ZMIZ1: variants seen among roughly 807,000 people sequenced by gnomAD.
ZMIZ1 encodes the protein zinc finger MIZ domain-containing protein 1.
A neutral mutation model predicts 113.9 loss-of-function variants in ZMIZ1; 17 were observed. The ratio of observed to expected loss-of-function variants is 0.15; its 90% CI spans 0.10 to 0.22. ZMIZ1 has a LOEUF of 0.22. Ranked by LOEUF, ZMIZ1 falls within the 10% of genes least tolerant of loss-of-function variation. The pLI is 1.00. For missense variants in ZMIZ1, 1,059 were observed against 1,477.8 expected (o/e 0.72, Z 4.65); for synonymous variants, 607 against 603.1 (o/e 1.01, Z -0.09).
At chr10:79,090,313 GT>G (rs200028939) in intron 1 of ZMIZ1, among the ~76,000 whole-genome samples, 24 of 151,934 alleles carry the variant, frequency 1.6e-4, no homozygotes, top group African/African-American at 4.6e-4. Context: ...GACTTGGAGG[GT>G]TTTTTTTCTC....
intron 7 of ZMIZ1, among the ~76,000 whole-genome samples, chr10:79,275,003 G>A (rs1197738041): frequency 6.6e-6 from 1 of 152,252 alleles, no homozygotes; most frequent in Non-Finnish European, 1.5e-5. Context: ...GCCGTCCTTT[G>A]TGCTGGCAGT....
chr10:79,140,166 G>A (rs1216760810), intron 3 of ZMIZ1, among the ~76,000 whole-genome samples: 4 of 152,326 alleles, frequency 2.6e-5, no homozygotes, highest in African/African-American at 2.4e-5. Flanking sequence ...CTAAGGCTAC[G>A]AGGTCCACAG....
intron 8 of ZMIZ1, among the ~76,000 whole-genome samples, chr10:79,283,357 G>A (rs1163316232): frequency 2.6e-5 from 4 of 152,240 alleles, no homozygotes; most frequent in East Asian, 1.9e-4. Flanking sequence ...CTTGTGCCTC[G>A]GTTTCCTCAT....
At chr10:79,080,766 C>A (rs545312661) in intron 1 of ZMIZ1, among the ~76,000 whole-genome samples, 1 of 152,194 alleles carries the variant, frequency 6.6e-6, no homozygotes, top group African/African-American at 2.4e-5. Flanking sequence ...AGGACTGACC[C>A]CTTTAGGCAG....
chr10:79,308,694 C>T (rs999467213), intron 23 of ZMIZ1, among the ~76,000 whole-genome samples: 2 of 152,140 alleles, frequency 1.3e-5, no homozygotes, highest in African/African-American at 4.8e-5. Context: ...CAAAGTTACT[C>T]TCTGCCCCAT....
At chr10:79,299,624 A>G (rs1456831640) in intron 16 of ZMIZ1, among the ~76,000 whole-genome samples, 1 of 152,228 alleles carries the variant, frequency 6.6e-6, no homozygotes, top group African/African-American at 2.4e-5. Flanking sequence ...GGGGCTGACC[A>G]TTGGGCAGGG....
chr10:79,159,476 G>T (rs1846023152), intron 3 of ZMIZ1, among the ~76,000 whole-genome samples: 1 of 152,232 alleles, frequency 6.6e-6, no homozygotes, highest in Admixed American at 6.5e-5. Context: ...AGGCTCTCCG[G>T]CTGGTTGCCG....
In ZMIZ1 at chr10:79,201,647, C is replaced by T; in HGVS notation, c.15C>T (p.Asp5=). The T allele has an allele frequency of 6.2e-7, 1 of 1,613,672 alleles. No individual in the cohort carries two copies. The highest frequency in any genetic ancestry group is 8.5e-7 in the Non-Finnish European group (1 of 1,179,868). The part of the protein sequence containing the change: MNSM[D]RHIQQTNDRL... ...AAACGGCCAGAATGAATTCTATGGACAGGCACATCCAGCAGACCAATGACC... is the reference window on the plus strand; with the variant it reads ...AAACGGCCAGAATGAATTCTATGGATAGGCACATCCAGCAGACCAATGACC... Residue 5 remains aspartate, a synonymous_variant, in exon 5 of 25, where the codon GAC becomes GAT. Transcript: ENST00000334512.
At chr10:79,154,212 A>G (rs903591569) in intron 3 of ZMIZ1, among the ~76,000 whole-genome samples, 2 of 152,074 alleles carry the variant, frequency 1.3e-5, no homozygotes, top group African/African-American at 4.8e-5. Flanking sequence ...CCTGGGTTCC[A>G]TTCTGGTCCA....
intron 18 of ZMIZ1, among the ~76,000 whole-genome samples, chr10:79,303,454 CAAAAAAA>C (rs34154193): frequency 4.5e-5 from 3 of 65,950 alleles, no homozygotes; most frequent in Non-Finnish European, 8.5e-5. Context: ...GACACTGCCA[CAAAAAAA>C]AAAAAAAAAA....
At chr10:79,269,126 G>C (rs571728765) in intron 7 of ZMIZ1, among the ~76,000 whole-genome samples, 1 of 152,166 alleles carries the variant, frequency 6.6e-6, no homozygotes, top group South Asian at 2.1e-4. Context: ...TCCTGCCCCT[G>C]ACTCAACAGG....
intron 24 of ZMIZ1, 120 bp downstream of exon 24, chr10:79,311,304 G>GGGGC: frequency 1.4e-5 from 5 of 359,152 alleles, no homozygotes; most frequent in Non-Finnish European, 2.7e-5. Context: ...TGGGCGGTGG[G>GGGGC]AGGGCTTCAC....
chr10:79,182,735 T>C (rs754828537), intron 4 of ZMIZ1, among the ~76,000 whole-genome samples: 22 of 152,238 alleles, frequency 1.4e-4, no homozygotes, highest in Non-Finnish European at 2.8e-4. Context: ...AGAATCAGAC[T>C]GCCTGCCTTC....
intron 3 of ZMIZ1, among the ~76,000 whole-genome samples, chr10:79,146,198 C>G (rs764414754): frequency 6.6e-6 from 1 of 152,180 alleles, no homozygotes; most frequent in African/African-American, 2.4e-5. Context: ...CAGCCTTCCT[C>G]CCCTAGAGCA....
intron 3 of ZMIZ1, among the ~76,000 whole-genome samples, chr10:79,144,798 C>G (rs960889500): frequency 6.6e-6 from 1 of 152,166 alleles, no homozygotes; most frequent in Non-Finnish European, 1.5e-5. Flanking sequence ...GTTTTTACCG[C>G]AGTAATTCCC....
At chr10:79,239,355 G>C (rs1449466201) in intron 7 of ZMIZ1, among the ~76,000 whole-genome samples, 2 of 152,214 alleles carry the variant, frequency 1.3e-5, no homozygotes, top group African/African-American at 4.8e-5. Context: ...GTCCTGAGAA[G>C]GACCAGGGAT....
At chr10:79,125,047 G>C (rs1294902507) in intron 2 of ZMIZ1, among the ~76,000 whole-genome samples, 1 of 152,258 alleles carries the variant, frequency 6.6e-6, no homozygotes, top group Admixed American at 6.5e-5. Flanking sequence ...GGAAGAGCAA[G>C]GTTGGAGGCT....
At chr10:79,072,974 G>A (rs1399328183) in intron 1 of ZMIZ1, among the ~76,000 whole-genome samples, 1 of 152,206 alleles carries the variant, frequency 6.6e-6, no homozygotes, top group African/African-American at 2.4e-5. Flanking sequence ...AAGCTCCGGG[G>A]CGTTCTGAGG....
At chr10:79,104,315 G>A (rs540327256) in intron 1 of ZMIZ1, among the ~76,000 whole-genome samples, 7 of 152,290 alleles carry the variant, frequency 4.6e-5, no homozygotes, top group Non-Finnish European at 7.3e-5. Context: ...CTTGGGGAGC[G>A]GATGAGTATA....
Sources: allele counts gnomAD v4.1 joint callset (sites outside exome capture counted in the v4.1 genomes callset), GRCh38; gene constraint gnomAD v4.1.1; transcripts MANE v1.5; gene names NCBI Gene and HGNC (gene_info 2026-07-23, HGNC 2026-07-21).